Variants in KALRN observed in about 807,000 individuals in gnomAD.
KALRN encodes the protein kalirin.
In KALRN, 70 loss-of-function variants were observed where a neutral mutation model predicts 353.7. The ratio of observed to expected loss-of-function variants is 0.20; its 90% CI spans 0.16 to 0.24. KALRN has a LOEUF of 0.24. Ranked by LOEUF, KALRN falls within the 10% of genes least tolerant of loss-of-function variation. KALRN has a pLI of 1.00. For synonymous variants in KALRN, 1,391 were observed against 1,434.8 expected, an observed-to-expected ratio of 0.97 and a Z score of 0.69; for missense variants, 2,791 against 3,756.7, an observed-to-expected ratio of 0.74 and a Z score of 6.72.
At chr3:124,391,169 C>T (rs901022993) in intron 11 of KALRN, among the ~76,000 whole-genome samples, 6 of 147,404 alleles carry the variant, frequency 4.1e-5, no homozygotes, top group African/African-American at 7.5e-5. Flanking sequence ...AAGAAGTGAG[C>T]GGGACTCTAA....
chr3:124,417,354 T>C (rs1199461270), intron 14 of KALRN, among the ~76,000 whole-genome samples: 2 of 152,262 alleles, frequency 1.3e-5, no homozygotes. Flanking sequence ...TCAGCCTAGC[T>C]GCCCTCATCG....
intron 1 of KALRN, among the ~76,000 whole-genome samples, chr3:124,054,456 C>T (rs889812829): frequency 1.3e-5 from 2 of 151,690 alleles, no homozygotes; most frequent in South Asian, 4.2e-4. Context: ...TACCTGGCTG[C>T]TATGCAAACT....
chr3:124,360,594 A>C (rs1019729318), intron 10 of KALRN, among the ~76,000 whole-genome samples: 9 of 152,236 alleles, frequency 5.9e-5, no homozygotes, highest in Non-Finnish European at 1.2e-4. Context: ...GAGCATTGGC[A>C]TGGTTTAGAA....
At chr3:124,556,318 T>C (rs1345873576) in intron 33 of KALRN, among the ~76,000 whole-genome samples, 2 of 152,228 alleles carry the variant, frequency 1.3e-5, no homozygotes, top group Non-Finnish European at 2.9e-5. Flanking sequence ...GGCAGCTCCA[T>C]GGGCTTCCAA....
Position 124,666,475 on chromosome 3 carries a change from G to A in KALRN, c.6372G>A (p.Leu2124=), listed in dbSNP as rs1229574571. Residue 2124 remains leucine (L), a synonymous_variant, in exon 46 of 60, where the codon CTG becomes CTA. Coordinates refer to ENST00000682506, the MANE Select transcript of KALRN (RefSeq NM_001388419.1). ...GCACTCTGACTGCTCAGGGGAAGCT[G>A]CTGCAGCAGGACACATTCTATGTGA... The part of the protein sequence containing the change: ...FEGTLTAQGK[L]LQQDTFYVIE... The A allele has an allele frequency of 1.9e-6, 3 of 1,614,008 alleles. No individual in the cohort carries two copies. The highest frequency in any genetic ancestry group is 2.5e-6 in the Non-Finnish European group (3 of 1,179,888).
intron 12 of KALRN, among the ~76,000 whole-genome samples, chr3:124,397,380 C>T (rs979068921): frequency 5.3e-5 from 8 of 152,270 alleles, no homozygotes; most frequent in South Asian, 2.1e-4. Flanking sequence ...ATTAGCCTTA[C>T]GCCATCCTCA....
intron 38 of KALRN, among the ~76,000 whole-genome samples, chr3:124,654,715 G>GT (rs1361265194): frequency 2.9e-4 from 44 of 152,324 alleles, no homozygotes; most frequent in African/African-American, 1.0e-3. Context: ...AAAGAGCATG[G>GT]TCTTTGGACT....
chr3:124,612,191 ATTTTTTAAT>A (rs993688809), intron 34 of KALRN, among the ~76,000 whole-genome samples: 1 of 151,662 alleles, frequency 6.6e-6, no homozygotes, highest in Admixed American at 6.6e-5. Context: ...CATCCAGCTA[ATTTTTTAAT>A]TTTTTTAATT....
intron 34 of KALRN, among the ~76,000 whole-genome samples, chr3:124,630,419 T>G (rs2080636387): frequency 6.7e-6 from 1 of 148,782 alleles, no homozygotes; most frequent in Non-Finnish European, 1.5e-5. Context: ...TGTTTTGAGA[T>G]GGAGTCTCCC....
intron 34 of KALRN, among the ~76,000 whole-genome samples, chr3:124,580,355 GGT>G (rs375600234): frequency 2.7e-5 from 4 of 150,568 alleles, no homozygotes; most frequent in African/African-American, 9.8e-5. Flanking sequence ...TAAATCTCAG[GGT>G]GTGTGTGGGG....
At chr3:124,164,963 G>C (rs1026042072) in intron 1 of KALRN, among the ~76,000 whole-genome samples, 1 of 152,108 alleles carries the variant, frequency 6.6e-6, no homozygotes, top group Admixed American at 6.5e-5. Flanking sequence ...CCTTATATTT[G>C]TAAAATGAGG....
chr3:124,586,831 A>G (rs1230849292), intron 34 of KALRN, among the ~76,000 whole-genome samples: 1 of 152,096 alleles, frequency 6.6e-6, no homozygotes, highest in Non-Finnish European at 1.5e-5. Context: ...TCAGAGGACG[A>G]TGGTGGGGGA....
intron 34 of KALRN, among the ~76,000 whole-genome samples, chr3:124,570,911 T>G (rs1487116323): frequency 6.6e-6 from 1 of 152,210 alleles, no homozygotes; most frequent in Non-Finnish European, 1.5e-5. Context: ...CACAATGTCC[T>G]TGACAAGTGG....
chr3:124,381,292 G>C (rs1397420927), intron 10 of KALRN, among the ~76,000 whole-genome samples: 1 of 152,226 alleles, frequency 6.6e-6, no homozygotes, highest in African/African-American at 2.4e-5. Flanking sequence ...GCAAGATTCA[G>C]TGCAGTGAGT....
intron 14 of KALRN, among the ~76,000 whole-genome samples, chr3:124,417,581 C>T (rs1051428523): frequency 6.6e-6 from 1 of 152,174 alleles, no homozygotes; most frequent in African/African-American, 2.4e-5. Flanking sequence ...AGAACCCAAC[C>T]CCAACGTTTA....
intron 6 of KALRN, among the ~76,000 whole-genome samples, chr3:124,303,713 C>T (rs771965813): frequency 1.3e-5 from 2 of 152,110 alleles, no homozygotes; most frequent in African/African-American, 2.4e-5. Context: ...TGTGAGGATT[C>T]ACAGTAGTGA....
rs71922638 is a variant in KALRN, at chr3:124,496,012, T to TACAC, written c.4833-293_4833-290dup. Among the ~76,000 whole-genome samples the TACAC allele has an allele frequency of 4.1e-3, 177 of 43,640 alleles. 7 individuals are homozygous for TACAC. Among genetic ancestry groups the TACAC allele is most frequent in the African/African-American group, 9.5e-3 (79 of 8,322 alleles). 28.6% of individuals were successfully genotyped at this position (43,640 alleles called of 152,430 possible). On this transcript the variant is annotated intron_variant, in intron 32 of 59. Transcript: ENST00000682506. ...ATATATATATATATATATATATATATACACACACATATATACATACATACA... is the reference window on the plus strand; with the variant it reads ...ATATATATATATATATATATATATATACACACACACACATATATACATACATACA...
At chr3:124,593,397 G>A (rs377736484) in intron 34 of KALRN, among the ~76,000 whole-genome samples, 6 of 152,120 alleles carry the variant, frequency 3.9e-5, no homozygotes, top group Middle Eastern at 3.4e-3. Context: ...ACCCTGCCCC[G>A]CCTCACCCCA....
At chr3:124,629,129 G>A (rs763021049) in intron 34 of KALRN, among the ~76,000 whole-genome samples, 12 of 152,106 alleles carry the variant, frequency 7.9e-5, no homozygotes, top group Non-Finnish European at 1.5e-4. Context: ...CCTATGTGCG[G>A]GTGAGGTAGA....
Sources: gnomAD v4.1 joint callset for allele counts (sites outside exome capture counted in the v4.1 genomes callset) on GRCh38, gnomAD v4.1.1 for gene constraint, MANE v1.5 for transcripts, NCBI Gene and HGNC (gene_info 2026-07-23, HGNC 2026-07-21) for gene names.